The following SCN2A variants were observed in gnomAD, a reference collection of about 807,000 sequenced individuals.
SCN2A encodes the protein sodium channel protein type 2 subunit alpha.
A neutral mutation model predicts 188.7 loss-of-function variants in SCN2A; 20 were observed. That is an observed-to-expected ratio of 0.11 (90% CI 0.07 to 0.15). The LOEUF is 0.15. Among genes scored for constraint, SCN2A ranks in the 10% least tolerant of loss-of-function variants. The pLI is 1.00. For synonymous variants in SCN2A, 804 were observed against 833.1 expected (o/e 0.97, Z 0.60); for missense variants, 1,278 against 2,445.0 (o/e 0.52, Z 10.07).
Position 165,338,884 on chromosome 2 carries a change from G to T in SCN2A, c.2389-3412G>T, listed in dbSNP as rs895776936. ...GTGAGAAAAACTGTCAGTAAACTAG[G>T]AATAGAAAGTAGCTATCTCAAGTTG... On this transcript the variant is annotated intron_variant, in intron 14 of 26. Coordinates refer to ENST00000375437, the MANE Select transcript of SCN2A (RefSeq NM_001040142.2). 6.6e-5 allele frequency among the ~76,000 whole-genome samples: 10 copies of T among 152,192 alleles called. No individual in the cohort carries two copies. In the East Asian group the frequency reaches 1.5e-3, roughly 24 times the overall value.
At chr2:165,240,078 G>C (rs1574417210) in intron 1 of SCN2A, 1 of 152,124 alleles carries the variant, frequency 6.6e-6, no homozygotes, top group Non-Finnish European at 1.5e-5. Flanking sequence ...GAGTCCAAAG[G>C]CCTTTTGAAC....
intron 1 of SCN2A, among the ~76,000 whole-genome samples, chr2:165,240,659 C>CTGTGTGTGTGTG (rs35247335): frequency 0.066 from 8,982 of 136,294 alleles, 407 homozygotes; most frequent in Middle Eastern, 0.098. Context: ...GTGGAAAGAG[C>CTGTGTGTGTGTG]TGTGTGTGTG....
intron 14 of SCN2A, among the ~76,000 whole-genome samples, chr2:165,332,618 C>T (rs755953559): frequency 3.3e-5 from 5 of 151,856 alleles, no homozygotes; most frequent in African/African-American, 7.3e-5. Context: ...AGATCACAGA[C>T]GCTTAGAGTA....
At chr2:165,376,902 CT>C (rs1456222337) in intron 22 of SCN2A, among the ~76,000 whole-genome samples, 1 of 151,458 alleles carries the variant, frequency 6.6e-6, no homozygotes, top group African/African-American at 2.4e-5. Flanking sequence ...ACACAATCCA[CT>C]TACACGATCC....
intron 4 of SCN2A, 123 bp downstream of exon 4, chr2:165,308,060 C>A: frequency 1.3e-6 from 1 of 768,160 alleles, no homozygotes; most frequent in South Asian, 1.4e-5. Flanking sequence ...GACCCTGATT[C>A]AAATTCATTT....
intron 7 of SCN2A, among the ~76,000 whole-genome samples, chr2:165,311,264 T>A (rs1344598739): frequency 6.6e-6 from 1 of 152,084 alleles, no homozygotes. Context: ...TCATTTTTCA[T>A]ATGTGTGTGC....
chr2:165,354,058 T>C, intron 16 of SCN2A, 134 bp from the exon 17 acceptor site: 1 of 1,057,276 alleles, frequency 9.5e-7, no homozygotes, highest in Non-Finnish European at 1.5e-6. Flanking sequence ...TTTTTCAGAA[T>C]AGTGTATCAT....
At chr2:165,306,942 T>G (rs188859458) in intron 3 of SCN2A, among the ~76,000 whole-genome samples, 364 of 152,322 alleles carry the variant, frequency 2.4e-3, no homozygotes, top group African/African-American at 8.5e-3. Flanking sequence ...ATTATGCTTT[T>G]TATTAAATAT....
intron 1 of SCN2A, among the ~76,000 whole-genome samples, chr2:165,287,963 T>C (rs1427872756): frequency 2.0e-5 from 3 of 152,212 alleles, no homozygotes; most frequent in Non-Finnish European, 4.4e-5. Context: ...TAAATGTTCA[T>C]TTTCTTTTAC....
intron 3 of SCN2A, among the ~76,000 whole-genome samples, chr2:165,303,882 G>A (rs1213916388): frequency 2.0e-5 from 3 of 151,944 alleles, no homozygotes; most frequent in Non-Finnish European, 4.4e-5. Context: ...TATTATCAGT[G>A]ACTAATTAGA....
chr2:165,295,899 G>C lies in SCN2A; in HGVS notation c.76G>C (p.Glu26Gln), dbSNP rs1439524882. ...TACCAGGGAATCCCTTGCTGCTATT[G>C]AACAACGCATTGCAGAAGAGAAAGC... Reference protein sequence around the residue: ...FFTRESLAAIEQRIAEEKAKR... With the variant: ...FFTRESLAAIQQRIAEEKAKR... The change falls in exon 2 of 27, where the codon GAA becomes CAA. Residue 26 changes from glutamate (E) to glutamine (Q), a missense_variant. Physicochemically the swap from Glu to Gln is conservative, Grantham distance 29 (BLOSUM62 2). Around this residue, in one of 17 missense-constraint regions of SCN2A, gnomAD observed 141 missense variants for 185.4 expected, o/e 0.76. Transcript: ENST00000375437. The C allele has an allele frequency of 1.2e-6, 2 of 1,613,960 alleles. No homozygotes were observed. Among genetic ancestry groups the C allele is most frequent in the Non-Finnish European group, 1.7e-6 (2 of 1,180,026 alleles).
intron 19 of SCN2A, 110 bp from the exon 20 acceptor site, chr2:165,370,016 C>G: frequency 1.1e-6 from 1 of 903,728 alleles, no homozygotes; most frequent in Admixed American, 2.3e-5. Flanking sequence ...AACATTAAAC[C>G]TTCCAGCCTT....
chr2:165,321,637 G>T (rs1234774007), intron 11 of SCN2A, among the ~76,000 whole-genome samples: 1 of 152,198 alleles, frequency 6.6e-6, no homozygotes, highest in Non-Finnish European at 1.5e-5. Flanking sequence ...CAAAGAGAGA[G>T]TGAGAGCCAA....
chr2:165,267,521 A>C (rs1694923052), intron 1 of SCN2A: 1 of 151,980 alleles, frequency 6.6e-6, no homozygotes, highest in African/African-American at 2.4e-5. Context: ...CTTACAGAAC[A>C]CCTAAAACTG....
chr2:165,281,267 G>A (rs1695573174), intron 1 of SCN2A, among the ~76,000 whole-genome samples: 1 of 152,014 alleles, frequency 6.6e-6, no homozygotes, highest in Non-Finnish European at 1.5e-5. Context: ...GGGAAATAAG[G>A]AAGGAGATGT....
At chr2:165,329,231 G>A (rs1433231586) in intron 13 of SCN2A, among the ~76,000 whole-genome samples, 1 of 152,052 alleles carries the variant, frequency 6.6e-6, no homozygotes, top group Non-Finnish European at 1.5e-5. Context: ...TAGTGGATAA[G>A]CAAAAATGAA....
At chr2:165,289,565 G>A (rs569997214) in intron 1 of SCN2A, among the ~76,000 whole-genome samples, 22 of 152,014 alleles carry the variant, frequency 1.4e-4, no homozygotes, top group African/African-American at 3.4e-4. Context: ...AAACCTTCAC[G>A]TAATATATGT....
At chr2:165,358,254 G>C (rs1334573031) in intron 17 of SCN2A, among the ~76,000 whole-genome samples, 1 of 152,076 alleles carries the variant, frequency 6.6e-6, no homozygotes. Context: ...AGATAGCCCA[G>C]TTACTGTACT....
At chr2:165,353,701 A>G (rs980938466) in intron 16 of SCN2A, among the ~76,000 whole-genome samples, 5 of 152,120 alleles carry the variant, frequency 3.3e-5, no homozygotes, top group Non-Finnish European at 7.4e-5. Context: ...AGGAGGCACT[A>G]CAAACTTTTA....
Sources: gnomAD v4.1 joint callset for allele counts (sites outside exome capture counted in the v4.1 genomes callset) on GRCh38, gnomAD v4.1.1 for gene constraint, gnomAD v4.1.1 regional missense constraint, MANE v1.5 for transcripts, NCBI Gene and HGNC (gene_info 2026-07-23, HGNC 2026-07-21) for gene names.